ANTXR1: variants seen among roughly 807,000 people sequenced by gnomAD.
The protein encoded by ANTXR1 is ANTXR cell adhesion molecule 1, also known as anthrax toxin receptor 1.
ANTXR1 carries 19 observed loss-of-function variants against 78.1 expected under a neutral mutation model. That is an observed-to-expected ratio of 0.24 (90% CI 0.17 to 0.36). The LOEUF is 0.36. Among genes scored for constraint, ANTXR1 ranks in the 10% least tolerant of loss-of-function variants. The probability of loss-of-function intolerance (pLI) is 1.00; values close to 1 mark genes in which losing one functional copy is unlikely to be tolerated. For missense variants in ANTXR1, 518 were observed against 718.6 expected (o/e 0.72, Z 3.19); for synonymous variants, 273 against 260.5 (o/e 1.05, Z -0.46).
chr2:69,033,544 C>G (rs1427583631), intron 1 of ANTXR1, among the ~76,000 whole-genome samples: 1 of 152,204 alleles, frequency 6.6e-6, no homozygotes, highest in Admixed American at 6.5e-5. Context: ...AGCACAACAG[C>G]AAATGAATGC....
chr2:69,222,199 T>A (rs1675336460), intron 17 of ANTXR1, among the ~76,000 whole-genome samples: 1 of 152,194 alleles, frequency 6.6e-6, no homozygotes, highest in Non-Finnish European at 1.5e-5. Flanking sequence ...TCTCCTTGTC[T>A]AGTGATCCCC....
chr2:69,130,884 A>G (rs953811761), intron 12 of ANTXR1, among the ~76,000 whole-genome samples: 1 of 152,210 alleles, frequency 6.6e-6, no homozygotes, highest in Non-Finnish European at 1.5e-5. Flanking sequence ...CCACAAGATA[A>G]CTAGGAAGAA....
chr2:69,078,630 G>A (rs1162221916), intron 8 of ANTXR1, among the ~76,000 whole-genome samples: 1 of 152,190 alleles, frequency 6.6e-6, no homozygotes, highest in Non-Finnish European at 1.5e-5. Context: ...TTAACACTTA[G>A]AGATCCTTGG....
intron 12 of ANTXR1, among the ~76,000 whole-genome samples, chr2:69,138,709 T>C (rs1316816538): frequency 1.3e-5 from 2 of 152,196 alleles, no homozygotes; most frequent in Non-Finnish European, 2.9e-5. Flanking sequence ...AGACGTTAGT[T>C]TAGTCAGTGC....
chr2:69,183,561 C>A (rs1301567489), intron 16 of ANTXR1, among the ~76,000 whole-genome samples: 1 of 150,438 alleles, frequency 6.6e-6, no homozygotes, highest in African/African-American at 2.5e-5. Flanking sequence ...ACCACCACAC[C>A]CAGCTAATTT....
chr2:69,193,482 C>A (rs1387618691), intron 17 of ANTXR1, 67 bp downstream of exon 17: 10 of 1,284,156 alleles, frequency 7.8e-6, no homozygotes, highest in Non-Finnish European at 4.5e-6. Context: ...CACACACACA[C>A]ACACACACAT....
intron 3 of ANTXR1, among the ~76,000 whole-genome samples, chr2:69,051,299 C>T (rs892022290): frequency 2.0e-5 from 3 of 151,912 alleles, no homozygotes; most frequent in African/African-American, 7.3e-5. Flanking sequence ...AGATTATTCA[C>T]TATACTTTAT....
chr2:69,204,714 TGAG>T (rs938470127), intron 17 of ANTXR1, among the ~76,000 whole-genome samples: 2 of 152,196 alleles, frequency 1.3e-5, no homozygotes, highest in African/African-American at 2.4e-5. Flanking sequence ...CCTTATCTCT[TGAG>T]GAGAAGGCAG....
intron 11 of ANTXR1, among the ~76,000 whole-genome samples, chr2:69,123,937 T>C (rs1267979925): frequency 6.6e-6 from 1 of 152,232 alleles, no homozygotes; most frequent in African/African-American, 2.4e-5. Flanking sequence ...GTTCATATTG[T>C]GAAACCTCCA....
intron 17 of ANTXR1, among the ~76,000 whole-genome samples, chr2:69,238,482 A>G (rs1203704210): frequency 6.6e-6 from 1 of 152,228 alleles, no homozygotes; most frequent in African/African-American, 2.4e-5. Context: ...AAGTCATCCA[A>G]TCCAGCCATC....
intron 17 of ANTXR1, among the ~76,000 whole-genome samples, chr2:69,206,977 T>G (rs992562582): frequency 1.3e-5 from 2 of 152,144 alleles, no homozygotes; most frequent in East Asian, 3.8e-4. Context: ...CATGAAGGCT[T>G]CCAAAAAGGT....
chr2:69,147,913 G>A (rs896757608), intron 12 of ANTXR1, among the ~76,000 whole-genome samples: 12 of 152,174 alleles, frequency 7.9e-5, no homozygotes, highest in Non-Finnish European at 1.6e-4. Context: ...CACTGAGCAC[G>A]GTGGTTAGCT....
intron 12 of ANTXR1, among the ~76,000 whole-genome samples, chr2:69,137,456 A>G (rs1289291254): frequency 2.0e-5 from 3 of 152,174 alleles, no homozygotes; most frequent in Non-Finnish European, 4.4e-5. Flanking sequence ...TGGGTTATTG[A>G]GGCTATTCCA....
At chr2:69,182,787 C>T (rs1274079264) in intron 16 of ANTXR1, 127 bp downstream of exon 16, 11 of 1,239,926 alleles carry the variant, frequency 8.9e-6, no homozygotes, top group Non-Finnish European at 1.3e-5. Context: ...GAACAATTAT[C>T]TAAAATTATG....
intron 17 of ANTXR1, among the ~76,000 whole-genome samples, chr2:69,224,097 A>G (rs568713007): frequency 1.3e-5 from 2 of 152,354 alleles, no homozygotes; most frequent in South Asian, 4.1e-4. Flanking sequence ...AGCCTTTGAG[A>G]GATGACCTGT....
intron 13 of ANTXR1, among the ~76,000 whole-genome samples, chr2:69,158,687 A>T (rs890795317): frequency 6.6e-6 from 1 of 152,226 alleles, no homozygotes; most frequent in African/African-American, 2.4e-5. Flanking sequence ...GATAGTCAAT[A>T]CTTGATTATA....
In ANTXR1 at chr2:69,075,490, G is replaced by A. The variant is rs1670701888; in HGVS notation, c.493-100G>A. ...GTATGGCACCAGGCACATGGTAGGT[G>A]CTCATTAAATACCTCATCATTGAAG... On this transcript the variant is annotated intron_variant, in intron 6 of 17. Coordinates refer to ENST00000303714, the MANE Select transcript of ANTXR1 (RefSeq NM_032208.3). 5 of 1,128,088 alleles carry A rather than the reference G, an allele frequency of 4.4e-6. No individual in the cohort carries two copies. The East Asian group carries it at 1.2e-4, about 26-fold the overall frequency. 69.9% of individuals were successfully genotyped at this position (1,128,088 alleles called of 1,614,324 possible). A position where few individuals can be genotyped will look rare whatever the true frequency, so the allele number is the denominator to read the frequency against.
intron 12 of ANTXR1, chr2:69,145,869 G>A: frequency 1.0e-6 from 1 of 986,096 alleles, no homozygotes; most frequent in South Asian, 4.7e-5. Context: ...CCCATGCCAT[G>A]CATTAAAAAT....
chr2:69,045,124 G>C (rs895778662), intron 3 of ANTXR1, among the ~76,000 whole-genome samples: 5 of 152,092 alleles, frequency 3.3e-5, no homozygotes, highest in African/African-American at 1.2e-4. Flanking sequence ...CCATATTATT[G>C]GGGGACTATA....
Sources: gnomAD v4.1 joint callset for allele counts (sites outside exome capture counted in the v4.1 genomes callset) on GRCh38, gnomAD v4.1.1 for gene constraint, MANE v1.5 for transcripts, NCBI Gene and HGNC (gene_info 2026-07-23, HGNC 2026-07-21) for gene names.